ABCC1: variants seen among roughly 807,000 people sequenced by gnomAD.
ABCC1 encodes the protein ATP binding cassette subfamily C member 1 (ABCC1 blood group), also known as multidrug resistance-associated protein 1.
A neutral mutation model predicts 172.9 loss-of-function variants in ABCC1; 83 were observed. The observed-to-expected ratio is 0.48, with a 90% CI of 0.40 to 0.58. The LOEUF (loss-of-function observed/expected upper bound fraction) is 0.58. Among genes scored for constraint, ABCC1 ranks in the 20% least tolerant of loss-of-function variants. ABCC1 has a pLI of 0.00. For synonymous variants in ABCC1, 937 were observed against 825.2 expected, an observed-to-expected ratio of 1.14 and a Z score of -2.32; for missense variants, 1,817 against 2,002.7, an observed-to-expected ratio of 0.91 and a Z score of 1.77.
intron 1 of ABCC1, among the ~76,000 whole-genome samples, chr16:15,999,769 T>TTCTCTTTCTCTCTCTCTCTCTCTC (rs2047186647): frequency 7.9e-5 from 2 of 25,360 alleles, no homozygotes; most frequent in African/African-American, 2.1e-4. Context: ...CCCGGCCTCT[T>TTCTCTTTCTCTCTCTCTCTCTCTC]TCTCTCTCTC....
chr16:16,013,957 C>A (rs1007059271), intron 3 of ABCC1, among the ~76,000 whole-genome samples: 1 of 152,146 alleles, frequency 6.6e-6, no homozygotes, highest in African/African-American at 2.4e-5. Context: ...GAACGTTGAG[C>A]ATCAGGGCAA....
chr16:15,980,492 A>T (rs2046597591), intron 1 of ABCC1, among the ~76,000 whole-genome samples: 1 of 152,184 alleles, frequency 6.6e-6, no homozygotes, highest in Admixed American at 6.5e-5. Context: ...GTCCTCCTTC[A>T]CATGGTGGCA....
chr16:16,062,339 T>TTTTC (rs1303322004), intron 12 of ABCC1, among the ~76,000 whole-genome samples: 1 of 152,066 alleles, frequency 6.6e-6, no homozygotes, highest in Non-Finnish European at 1.5e-5. Context: ...TTCTTCTCTT[T>TTTTC]TTTCTTTCTT....
intron 1 of ABCC1, among the ~76,000 whole-genome samples, chr16:15,998,232 C>T (rs911428865): frequency 1.3e-5 from 2 of 152,168 alleles, no homozygotes; most frequent in Admixed American, 1.3e-4. Flanking sequence ...TCAAAAGATC[C>T]TCCCACTTCA....
chr16:16,057,576 A>G (rs1164303670), intron 12 of ABCC1, among the ~76,000 whole-genome samples: 4 of 151,950 alleles, frequency 2.6e-5, no homozygotes, highest in Non-Finnish European at 4.4e-5. Flanking sequence ...TGAAAAGTAT[A>G]TTGTCCTCTC....
intron 5 of ABCC1, among the ~76,000 whole-genome samples, chr16:16,029,443 G>C (rs1177769803): frequency 1.3e-5 from 2 of 151,980 alleles, no homozygotes; most frequent in Non-Finnish European, 2.9e-5. Context: ...GACTGGTCTC[G>C]AACTCCTGAA....
intron 6 of ABCC1, among the ~76,000 whole-genome samples, chr16:16,033,654 CT>C (rs569183872): frequency 2.0e-5 from 3 of 149,286 alleles, no homozygotes; most frequent in Non-Finnish European, 3.0e-5. Flanking sequence ...GGTCGTCTTT[CT>C]TTTTTTTTTG....
At chr16:16,114,685 C>G (rs150214567) in intron 22 of ABCC1, 81 bp from the exon 23 acceptor site, 1 of 1,374,742 alleles carries the variant, frequency 7.3e-7, no homozygotes, top group Non-Finnish European at 9.8e-7. Context: ...AGGCCTGCCT[C>G]GTCCACATGG....
chr16:16,014,387 A>C (rs2047909203), intron 3 of ABCC1, 104 bp from the exon 4 acceptor site: 1 of 1,349,978 alleles, frequency 7.4e-7, no homozygotes, highest in African/African-American at 1.5e-5. Context: ...CGGAGGTTGC[A>C]AGTGAGCTGA....
chr16:16,050,406 C>T (rs1405111061), intron 10 of ABCC1, among the ~76,000 whole-genome samples: 1 of 151,696 alleles, frequency 6.6e-6, no homozygotes, highest in East Asian at 1.9e-4. Context: ...TTGTATTGAG[C>T]TGAGTTTGTA....
At chr16:16,130,897 T>C (rs6416667) in intron 26 of ABCC1, among the ~76,000 whole-genome samples, 151,469 of 152,280 alleles carry the variant, frequency 0.99, 75,336 homozygotes, top group Middle Eastern at 1. Context: ...TAGAGGTGGG[T>C]GGATCATGAG....
At chr16:16,098,070 G>C (rs1006061472) in intron 19 of ABCC1, 1 of 152,434 alleles carries the variant, frequency 6.6e-6, no homozygotes, top group Admixed American at 6.5e-5. Context: ...GGAGGGTCCA[G>C]GGTGATATCT....
intron 22 of ABCC1, among the ~76,000 whole-genome samples, chr16:16,112,892 C>A (rs2044683592): frequency 6.6e-6 from 1 of 152,162 alleles, no homozygotes; most frequent in South Asian, 2.1e-4. Context: ...CTGAGAGATT[C>A]AGTGACCAGT....
chr16:16,075,503 A>T (rs1370316845), intron 14 of ABCC1, among the ~76,000 whole-genome samples: 2 of 151,988 alleles, frequency 1.3e-5, no homozygotes, highest in African/African-American at 4.8e-5. Context: ...GATGGTGCAC[A>T]TCCTGTAGTC....
At chr16:16,014,676 A>G in intron 4 of ABCC1, 48 bp downstream of exon 4, 1 of 1,605,420 alleles carries the variant, frequency 6.2e-7, no homozygotes, top group Non-Finnish European at 8.5e-7. Context: ...ACCCGGAGGG[A>G]GAGATGCTGG....
At chr16:16,079,313 ATTCAGC>A in intron 15 of ABCC1, 33 bp from the exon 16 acceptor site, 1 of 1,608,790 alleles carries the variant, frequency 6.2e-7, no homozygotes, top group Non-Finnish European at 8.5e-7. Flanking sequence ...GGCAGGCCTC[ATTCAGC>A]GTGGCTGAGC....
intron 7 of ABCC1, among the ~76,000 whole-genome samples, chr16:16,042,788 T>G (rs74576320): frequency 0.015 from 2,227 of 152,264 alleles, 44 homozygotes; most frequent in African/African-American, 0.05. Flanking sequence ...GCACAATTCA[T>G]GTATGCAGAA....
At chr16:16,116,204 C>A (rs1430740726) in intron 23 of ABCC1, among the ~76,000 whole-genome samples, 3 of 151,880 alleles carry the variant, frequency 2.0e-5, no homozygotes, top group Non-Finnish European at 4.4e-5. Flanking sequence ...GCGCCCGGCC[C>A]CTTTCATTCT....
At chr16:16,013,458 A>C (rs974877517) in intron 3 of ABCC1, among the ~76,000 whole-genome samples, 4 of 151,560 alleles carry the variant, frequency 2.6e-5, no homozygotes, top group Non-Finnish European at 5.9e-5. Flanking sequence ...TTTAGTAGAG[A>C]TAGGGTTTCA....
Sources: gnomAD v4.1 joint callset for allele counts (sites outside exome capture counted in the v4.1 genomes callset) on GRCh38, gnomAD v4.1.1 for gene constraint, MANE v1.5 for transcripts, NCBI Gene and HGNC (gene_info 2026-07-23, HGNC 2026-07-21) for gene names.